The following A2M variants were observed in gnomAD, a reference collection of about 807,000 sequenced individuals.
A2M encodes the protein alpha-2-macroglobulin, also known as C3 and PZP-like alpha-2-macroglobulin domain-containing protein 5.
A neutral mutation model predicts 183.9 loss-of-function variants in A2M; 128 were observed. The ratio of observed to expected loss-of-function variants is 0.70; its 90% confidence interval spans 0.60 to 0.81. The LOEUF (loss-of-function observed/expected upper bound fraction) is 0.81. Among genes scored for constraint, A2M ranks in the 30% least tolerant of loss-of-function variants. A2M has a pLI of 0.00. For synonymous variants in A2M, 592 were observed against 670.8 expected, an observed-to-expected ratio of 0.88 and a Z score of 1.81; for missense variants, 1,495 against 1,787.6, an observed-to-expected ratio of 0.84 and a Z score of 2.95.
At chr12:9,074,007 G>C (rs1325075496) in intron 29 of A2M, among the ~76,000 whole-genome samples, 3 of 150,510 alleles carry the variant, frequency 2.0e-5, no homozygotes, top group African/African-American at 2.5e-5. Context: ...AGAATCGCTT[G>C]AACCTGGGAG....
At chr12:9,116,052 T>C, upstream of A2M, 1 of 594,136 alleles carries the variant, frequency 1.7e-6, no homozygotes, top group South Asian at 1.7e-5. Flanking sequence ...CTATTTATAG[T>C]CAAGGTTAAT....
At chr12:9,095,741 ACTTTTT>A in intron 15 of A2M, 41 bp from the exon 16 acceptor site, 3 of 437,060 alleles carry the variant, frequency 6.9e-6, no homozygotes, top group Non-Finnish European at 7.0e-6. Context: ...CTTATTTGTG[ACTTTTT>A]TTTTTTTTTT....
In A2M at chr12:9,107,718, C is replaced by T. The variant is rs112111967; in HGVS notation, c.759-74G>A. On this transcript the variant is annotated intron_variant, in intron 7 of 35. Transcript: ENST00000318602. ...CCATTTTCTAGCTATTTATATCTCC[C>T]CTTTAGCTACAGTATATTCCCTGTC... 3.1e-3 allele frequency: 4,734 copies of T among 1,551,368 alleles called. 128 individuals carry two copies. The African/African-American group carries it at 0.057, about 19-fold the overall frequency.
intron 32 of A2M, 108 bp from the exon 33 acceptor site, chr12:9,069,921 C>A: frequency 1.1e-6 from 1 of 912,038 alleles, no homozygotes; most frequent in Non-Finnish European, 1.8e-6. Context: ...TAGAATTCTT[C>A]AAATGCTTTT....
At chr12:9,109,484 G>C (rs1413282398) in intron 6 of A2M, 79 bp from the exon 7 acceptor site, 1 of 1,062,970 alleles carries the variant, frequency 9.4e-7, no homozygotes, top group Non-Finnish European at 1.4e-6. Context: ...CCCTGTAACA[G>C]TTCCCTAATA....
intron 24 of A2M, 26 bp downstream of exon 24, chr12:9,079,613 T>G (rs767076179): frequency 6.2e-7 from 1 of 1,600,324 alleles, no homozygotes; most frequent in African/African-American, 1.3e-5. Context: ...ACATTCAAGT[T>G]TTCCCTTACT....
intron 10 of A2M, among the ~76,000 whole-genome samples, chr12:9,105,879 A>G: frequency 6.6e-6 from 1 of 152,160 alleles, no homozygotes; most frequent in Non-Finnish European, 1.5e-5. Flanking sequence ...GGTCAGCATG[A>G]ATTTTGAGAT....
At chr12:9,075,702 T>G (rs1805658) in intron 28 of A2M, among the ~76,000 whole-genome samples, 13 of 151,710 alleles carry the variant, frequency 8.6e-5, no homozygotes, top group African/African-American at 2.9e-4. Flanking sequence ...ATGAAACACA[T>G]GTGAAGATTC....
chr12:9,091,797 G>A (rs990001184), intron 18 of A2M, among the ~76,000 whole-genome samples: 1 of 152,134 alleles, frequency 6.6e-6, no homozygotes, highest in African/African-American at 2.4e-5. Flanking sequence ...TTTAACTCAG[G>A]ATTGCTAACC....
chr12:9,072,487 C>T lies in A2M; in HGVS notation c.3976-1G>A. The T allele has an allele frequency of 6.2e-7, 1 of 1,608,946 alleles. No individual in the cohort carries two copies. Among genetic ancestry groups the T allele is most frequent in the Non-Finnish European group, 8.5e-7 (1 of 1,178,390 alleles). On this transcript the variant is annotated splice_acceptor_variant, in intron 30 of 35. Coordinates refer to ENST00000318602, the MANE Select transcript of A2M (RefSeq NM_000014.6). LOFTEE classifies it high-confidence loss of function. ...GGAGAATATTGTATTTCAAGGATGT[C>T]TATAGAACATCAAAGACAAAATCAG...
At chr12:9,072,042 C>T (rs1948594800) in intron 31 of A2M, among the ~76,000 whole-genome samples, 1 of 152,162 alleles carries the variant, frequency 6.6e-6, no homozygotes, top group African/African-American at 2.4e-5. Context: ...TTCTTCATCT[C>T]TATCTTCAAT....
intron 8 of A2M, 41 bp downstream of exon 8, chr12:9,107,483 C>T: frequency 6.2e-7 from 1 of 1,606,286 alleles, no homozygotes; most frequent in Non-Finnish European, 8.5e-7. Context: ...TTCAACAATG[C>T]CTTTATCGCT....
chr12:9,099,735 A>G (rs1290628591), intron 13 of A2M, among the ~76,000 whole-genome samples: 1 of 152,194 alleles, frequency 6.6e-6, no homozygotes, highest in African/African-American at 2.4e-5. Flanking sequence ...CAGCTCACCC[A>G]CCTAATGTTC....
At chr12:9,075,688 C>G (rs574509542) in intron 28 of A2M, among the ~76,000 whole-genome samples, 38 of 152,034 alleles carry the variant, frequency 2.5e-4, no homozygotes, top group Non-Finnish European at 5.0e-4. Context: ...TTGTTTCTCT[C>G]AAGATGAAAC....
rs2137758287 is a variant in A2M, at chr12:9,086,694, G to A, written c.2770+2506C>T. ...CCTATAGCTTACATATTTAACAGTG[G>A]AAAATTGAAAGACTTTCCTTTAAGA... is the stretch of plus-strand genomic sequence containing the variant. On this transcript the variant is annotated intron_variant, in intron 22 of 35. Transcript: ENST00000318602. Among the ~76,000 whole-genome samples, 3 of 152,232 alleles carry A rather than the reference G, an allele frequency of 2.0e-5. No homozygotes were observed. In the South Asian group the frequency reaches 6.2e-4, roughly 32 times the overall value.
At chr12:9,073,899 G>C in intron 29 of A2M, among the ~76,000 whole-genome samples, 1 of 151,964 alleles carries the variant, frequency 6.6e-6, no homozygotes, top group East Asian at 1.9e-4. Flanking sequence ...ATCAGCCTGG[G>C]CAACATGGCA....
At chr12:9,068,359 A>G in intron 34 of A2M, 135 bp from the exon 35 acceptor site, 1 of 873,374 alleles carries the variant, frequency 1.1e-6, no homozygotes, top group Non-Finnish European at 1.8e-6. Flanking sequence ...CATAAGCATC[A>G]TTCATCTGAT....
chr12:9,068,307 AG>A (rs1361508616), intron 34 of A2M, 83 bp from the exon 35 acceptor site: 1 of 1,425,160 alleles, frequency 7.0e-7, no homozygotes, highest in Admixed American at 2.0e-5. Flanking sequence ...ATACAGGCCA[AG>A]GAAGGAGTTT....
chr12:9,078,260 T>C (rs1443481283), intron 25 of A2M, among the ~76,000 whole-genome samples: 1 of 136,182 alleles, frequency 7.3e-6, no homozygotes. Context: ...TCTCATTGCT[T>C]AACTCCCACT....
Sources: gnomAD v4.1 joint callset for allele counts (sites outside exome capture counted in the v4.1 genomes callset) on GRCh38, gnomAD v4.1.1 for gene constraint, MANE v1.5 for transcripts, NCBI Gene and HGNC (gene_info 2026-07-23, HGNC 2026-07-21) for gene names.